CNOT7: variants seen among roughly 807,000 people sequenced by gnomAD.
CNOT7 encodes the protein CCR4-NOT transcription complex subunit 7, also known as BTG1-binding factor 1.
Under a neutral mutation model 37.1 loss-of-function variants are expected in CNOT7, and 4 were observed. The ratio of observed to expected loss-of-function variants is 0.11; its 90% CI spans 0.05 to 0.25. CNOT7 has a LOEUF of 0.25. Among genes scored for constraint, CNOT7 ranks in the 10% least tolerant of loss-of-function variants. The pLI, the probability that CNOT7 is intolerant of heterozygous loss-of-function variation, is 1.00. For missense variants in CNOT7, 170 were observed against 336.2 expected (o/e 0.51, Z 3.87); for synonymous variants, 128 against 115.6 (o/e 1.11, Z -0.69).
At chr8:17,243,951 G>C (rs1810536524) in intron 2 of CNOT7, among the ~76,000 whole-genome samples, 1 of 152,082 alleles carries the variant, frequency 6.6e-6, no homozygotes, top group African/African-American at 2.4e-5. Flanking sequence ...AAAATACTGA[G>C]ACAAAGATAC....
intron 2 of CNOT7, chr8:17,244,819 C>G (rs540064642): frequency 3.9e-5 from 18 of 461,432 alleles, no homozygotes; most frequent in African/African-American, 2.6e-4. Context: ...CCCATGAATT[C>G]CAGTGCGTTT....
chr8:17,246,233 G>C (rs1035524608), intron 1 of CNOT7: 1 of 152,186 alleles, frequency 6.6e-6, no homozygotes. Context: ...CTCATTACTG[G>C]AGAAAGCATC....
intron 4 of CNOT7, among the ~76,000 whole-genome samples, chr8:17,236,692 CACA>C (rs1809407916): frequency 6.6e-6 from 1 of 152,158 alleles, no homozygotes; most frequent in Admixed American, 6.5e-5. Context: ...TCTAACAAAT[CACA>C]ACGTGAACTC....
chr8:17,243,221 C>T (rs1563210144), intron 2 of CNOT7, 36 bp from the exon 3 acceptor site: 1 of 1,494,856 alleles, frequency 6.7e-7, no homozygotes, highest in East Asian at 2.3e-5. Context: ...ATGTACTAAA[C>T]AGTCAAAACT....
At chr8:17,232,779 A>G (rs1038480458) in intron 5 of CNOT7, among the ~76,000 whole-genome samples, 1 of 152,202 alleles carries the variant, frequency 6.6e-6, no homozygotes, top group African/African-American at 2.4e-5. Flanking sequence ...ATCATGTTTT[A>G]GGGCATATGA....
chr8:17,239,763 G>A (rs1231212827), intron 3 of CNOT7, among the ~76,000 whole-genome samples: 1 of 152,244 alleles, frequency 6.6e-6, no homozygotes, highest in Non-Finnish European at 1.5e-5. Context: ...AAAGTGCTGG[G>A]ATTACAGGCG....
At chr8:17,243,364 A>C (rs1810450919) in intron 2 of CNOT7, 179 bp from the exon 3 acceptor site, 2 of 640,042 alleles carry the variant, frequency 3.1e-6, no homozygotes, top group Admixed American at 2.8e-5. Flanking sequence ...AAACTCTATA[A>C]ACTTAATAAC....
intron 3 of CNOT7, among the ~76,000 whole-genome samples, chr8:17,239,687 G>T (rs1445114916): frequency 6.6e-6 from 1 of 152,024 alleles, no homozygotes; most frequent in African/African-American, 2.4e-5. Flanking sequence ...TAGATACAGG[G>T]TTTCACCGTG....
intron 4 of CNOT7, among the ~76,000 whole-genome samples, chr8:17,235,961 G>T (rs1391626146): frequency 6.6e-6 from 1 of 152,060 alleles, no homozygotes; most frequent in Non-Finnish European, 1.5e-5. Flanking sequence ...AAATGAAAGG[G>T]TATGTCATAT....
intron 5 of CNOT7, among the ~76,000 whole-genome samples, chr8:17,233,348 C>G (rs1808886975): frequency 6.6e-6 from 1 of 152,206 alleles, no homozygotes; most frequent in African/African-American, 2.4e-5. Flanking sequence ...GCAGTTGCTT[C>G]TGCGCTAAAA....
At position 17,228,124 on chromosome 8, in the gene CNOT7, C is replaced by A. The variant is rs1031825117; in HGVS notation, c.*2596G>T. ...TAATTTTCAGATGTCAGGAAATAAT[C>A]TTTTGATTATTTTTCCCAACCATTT... is the stretch of plus-strand genomic sequence containing the variant. On this transcript the variant is annotated 3_prime_UTR_variant, in exon 7 of 7. Transcript: ENST00000361272. The A allele has an allele frequency of 2.6e-5, 4 of 151,800 alleles. No homozygotes were observed. Among genetic ancestry groups the A allele is most frequent in the Non-Finnish European group, 5.9e-5 (4 of 67,796 alleles). 9.4% of individuals were successfully genotyped at this position (151,800 alleles called of 1,614,324 possible).
In CNOT7 at chr8:17,237,291, C is replaced by T. The variant is rs748150992; in HGVS notation, c.394G>A (p.Glu132Lys). 6.2e-7 allele frequency: 1 copy of T among 1,614,024 alleles called. No individual in the cohort carries two copies. Among genetic ancestry groups the T allele is most frequent in the Non-Finnish European group, 8.5e-7 (1 of 1,179,886 alleles). The change falls in exon 4 of 7, where the codon GAA becomes AAA. Residue 132 changes from glutamate (E) to lysine (K), a missense_variant. Transcript: ENST00000361272. ...QFKKHEEEGIETQYFAELLMT... is the reference protein window; with the variant it reads ...QFKKHEEEGIKTQYFAELLMT... ...AGAAGTTCTGCAAAGTACTGGGTTT[C>T]AATTCCTTCCTCCTCATGTTTTTTA...
intron 3 of CNOT7, among the ~76,000 whole-genome samples, chr8:17,240,529 A>T (rs1810021345): frequency 6.6e-6 from 1 of 152,168 alleles, no homozygotes; most frequent in Non-Finnish European, 1.5e-5. Context: ...AGAAAGAAAA[A>T]ATGTCACTTA....
chr8:17,231,968 T>C lies in CNOT7; in HGVS notation c.729+459A>G, dbSNP rs138551114. 31 of 989,312 alleles carry C rather than the reference T, an allele frequency of 3.1e-5. 1 individual carries two copies. In the East Asian group the frequency reaches 3.4e-3, roughly 108 times the overall value. The allele number at this position is 989,312 out of a possible 1,614,324, so 61.3% of individuals were successfully genotyped here. On this transcript the variant is annotated intron_variant, in intron 6 of 6. Coordinates refer to ENST00000361272, the MANE Select transcript of CNOT7 (RefSeq NM_013354.7). ...ATAAAATCTTCAAAGCACTGAAGAA[T>C]GACATGAGCAAATAATATATTTATC... is the stretch of plus-strand genomic sequence containing the variant.
rs1223221391 is a variant in CNOT7 at position 17,234,907 on chromosome 8, T to C, written c.474-47A>G. ...AGAGAAGAGGGACATATAAATACTATAAAGATTAAAAAAAAAAGTTTTTCT... is the reference window on the plus strand; with the variant it reads ...AGAGAAGAGGGACATATAAATACTACAAAGATTAAAAAAAAAAGTTTTTCT... On this transcript the variant is annotated intron_variant, in intron 4 of 6. Transcript: ENST00000361272. 3.3e-6 allele frequency: 5 copies of C among 1,530,830 alleles called. No homozygotes were observed. In the South Asian group the frequency reaches 3.7e-5, roughly 11 times the overall value. 94.8% of individuals were successfully genotyped at this position (1,530,830 alleles called of 1,614,324 possible).
In CNOT7 at chr8:17,245,147, T is replaced by C. The variant is rs753027730; in HGVS notation, c.6A>G (p.Pro2=). The C allele has an allele frequency of 2.5e-6, 4 of 1,612,406 alleles. No individual in the cohort carries two copies. Among genetic ancestry groups the C allele is most frequent in the African/African-American group, 2.7e-5 (2 of 74,980 alleles). The change falls in exon 2 of 7, where the codon CCA becomes CCG. Residue 2 remains proline, a synonymous_variant. Transcript: ENST00000361272. M[P]AATVDHSQRI... ...TTTGGCTATGATCTACAGTTGCCGC[T>C]GGCATAGTGAGGGCACAAGGGAGTC... is the stretch of plus-strand genomic sequence containing the variant.
At chr8:17,239,805 T>C (rs1327471243) in intron 3 of CNOT7, among the ~76,000 whole-genome samples, 1 of 152,228 alleles carries the variant, frequency 6.6e-6, no homozygotes, top group East Asian at 1.9e-4. Flanking sequence ...AAAGTGAGAA[T>C]TTGTTAAAAA....
At chr8:17,232,579 A>T in intron 5 of CNOT7, 42 bp from the exon 6 acceptor site, 1 of 1,566,858 alleles carries the variant, frequency 6.4e-7, no homozygotes, top group Non-Finnish European at 8.7e-7. Flanking sequence ...GAAAAATCTT[A>T]CAAGGCCTAA....
chr8:17,243,342 T>C, intron 2 of CNOT7, 157 bp from the exon 3 acceptor site: 2 of 656,116 alleles, frequency 3.0e-6, no homozygotes, highest in South Asian at 3.9e-5. Flanking sequence ...AACATCACTT[T>C]TTAGAACCAT....
Sources: allele counts gnomAD v4.1 joint callset (sites outside exome capture counted in the v4.1 genomes callset), GRCh38; gene constraint gnomAD v4.1.1; transcripts MANE v1.5; gene names NCBI Gene and HGNC (gene_info 2026-07-23, HGNC 2026-07-21).